CACNA2D3: variants seen among roughly 807,000 people sequenced by gnomAD.
CACNA2D3 encodes voltage-dependent calcium channel subunit alpha-2/delta-3.
CACNA2D3 carries 60 observed loss-of-function variants against 160.6 expected under a neutral mutation model. That is an observed-to-expected ratio of 0.37 (90% CI 0.30 to 0.46). The LOEUF (loss-of-function observed/expected upper bound fraction) is 0.46, where lower values mean the gene tolerates loss of function less well. Among genes scored for constraint, CACNA2D3 ranks in the 20% least tolerant of loss-of-function variants. CACNA2D3 has a pLI of 1.00. For missense variants in CACNA2D3, 1,205 were observed against 1,365.0 expected, an observed-to-expected ratio of 0.88 and a Z score of 1.85; for synonymous variants, 558 against 492.9, an observed-to-expected ratio of 1.13 and a Z score of -1.75.
rs182692787 is a variant in CACNA2D3 at position 54,238,738 on chromosome 3, C to G, written c.205-81704C>G. On this transcript the variant is annotated intron_variant, in intron 2 of 37. Transcript: ENST00000474759. Reference sequence around the variant, plus strand: ...TTTGCAAGAGCTGCTATGAAGACCCCTAAACAGAAGGCAGTTATCTCTCTA... The same window carrying G: ...TTTGCAAGAGCTGCTATGAAGACCCGTAAACAGAAGGCAGTTATCTCTCTA... 3.3e-5 allele frequency among the ~76,000 whole-genome samples: 5 copies of G among 152,284 alleles called. No individual in the cohort carries two copies. In the East Asian group the frequency reaches 9.7e-4, roughly 29 times the overall value.
chr3:55,024,166 C>T (rs1183702542), intron 35 of CACNA2D3, among the ~76,000 whole-genome samples: 1 of 145,342 alleles, frequency 6.9e-6, no homozygotes, highest in Non-Finnish European at 1.5e-5. Flanking sequence ...GTTCTGACTT[C>T]ACTAATTATT....
chr3:54,846,290 G>A (rs1698929903), intron 16 of CACNA2D3, 103 bp from the exon 17 acceptor site: 2 of 665,668 alleles, frequency 3.0e-6, no homozygotes, highest in Non-Finnish European at 5.3e-6. Flanking sequence ...GGTTATGAAT[G>A]ACAAGTTAAA....
intron 6 of CACNA2D3, among the ~76,000 whole-genome samples, chr3:54,568,077 T>C (rs1261904127): frequency 6.6e-6 from 1 of 152,224 alleles, no homozygotes; most frequent in Non-Finnish European, 1.5e-5. Flanking sequence ...GTTGGGAACA[T>C]GTGGCTTGAC....
intron 3 of CACNA2D3, among the ~76,000 whole-genome samples, chr3:54,327,623 T>C (rs1008680369): frequency 2.6e-5 from 4 of 152,246 alleles, no homozygotes; most frequent in African/African-American, 9.6e-5. Context: ...TAATGCTTTT[T>C]GTTTTTACTG....
intron 27 of CACNA2D3, among the ~76,000 whole-genome samples, chr3:54,953,615 A>AT (rs1701811667): frequency 6.6e-6 from 1 of 152,198 alleles, no homozygotes. Flanking sequence ...GATCCTTTCT[A>AT]TTTTAAAGAC....
intron 35 of CACNA2D3, among the ~76,000 whole-genome samples, chr3:55,033,547 G>T (rs1389944737): frequency 7.2e-6 from 1 of 138,018 alleles, no homozygotes; most frequent in Non-Finnish European, 1.5e-5. Flanking sequence ...TATTTCACCC[G>T]ATATGTCTGA....
intron 31 of CACNA2D3, among the ~76,000 whole-genome samples, 170 bp downstream of exon 31, chr3:54,987,923 A>G (rs1702653228): frequency 6.6e-6 from 1 of 152,114 alleles, no homozygotes; most frequent in Non-Finnish European, 1.5e-5. Flanking sequence ...CGAGTGTTAG[A>G]GTGTTAGAGT....
chr3:54,567,530 G>A (rs1486144004), intron 6 of CACNA2D3, among the ~76,000 whole-genome samples: 1 of 151,852 alleles, frequency 6.6e-6, no homozygotes, highest in Non-Finnish European at 1.5e-5. Flanking sequence ...GTTTGTTGTT[G>A]TTGTTGTTCT....
intron 31 of CACNA2D3, among the ~76,000 whole-genome samples, chr3:55,000,847 A>G (rs1308833712): frequency 2.0e-5 from 3 of 152,114 alleles, no homozygotes; most frequent in Non-Finnish European, 4.4e-5. Flanking sequence ...ACATTCCAAT[A>G]AGACCCTGGG....
At chr3:54,471,471 C>G (rs1301610850) in intron 4 of CACNA2D3, among the ~76,000 whole-genome samples, 6 of 152,082 alleles carry the variant, frequency 3.9e-5, no homozygotes, top group Admixed American at 2.6e-4. Flanking sequence ...AATCAACACC[C>G]TAACATCACA....
At chr3:54,799,972 A>G (rs1702948446) in intron 13 of CACNA2D3, among the ~76,000 whole-genome samples, 1 of 152,242 alleles carries the variant, frequency 6.6e-6, no homozygotes, top group African/African-American at 2.4e-5. Context: ...CATTGGCTCC[A>G]AGCTCACAAT....
intron 2 of CACNA2D3, among the ~76,000 whole-genome samples, chr3:54,250,810 G>A (rs1461971443): frequency 6.6e-6 from 1 of 152,202 alleles, no homozygotes; most frequent in East Asian, 1.9e-4. Flanking sequence ...GGAGAGGAAG[G>A]ACAAGAAGCA....
chr3:54,710,975 T>C (rs1226089160), intron 11 of CACNA2D3, among the ~76,000 whole-genome samples: 1 of 152,196 alleles, frequency 6.6e-6, no homozygotes, highest in Non-Finnish European at 1.5e-5. Context: ...AGTGTCACTG[T>C]CATTCATCTG....
chr3:54,697,379 A>G (rs1214325821), intron 11 of CACNA2D3, among the ~76,000 whole-genome samples: 2 of 152,176 alleles, frequency 1.3e-5, no homozygotes, highest in African/African-American at 4.8e-5. Context: ...CAAGCACCCA[A>G]GGTGACTCTT....
intron 5 of CACNA2D3, among the ~76,000 whole-genome samples, chr3:54,547,672 C>CTT (rs55806357): frequency 1.4e-5 from 1 of 69,280 alleles, no homozygotes; most frequent in Non-Finnish European, 2.6e-5. Context: ...TCCCCCAACC[C>CTT]TTTTTTTTTT....
chr3:55,044,710 T>C (rs1449265319), intron 35 of CACNA2D3, among the ~76,000 whole-genome samples: 2 of 152,146 alleles, frequency 1.3e-5, no homozygotes, highest in Admixed American at 6.5e-5. Context: ...GGGGGAAAGC[T>C]GTTAGAATTT....
intron 9 of CACNA2D3, among the ~76,000 whole-genome samples, chr3:54,582,773 C>T (rs1220958155): frequency 3.3e-5 from 5 of 152,148 alleles, no homozygotes; most frequent in Admixed American, 6.5e-5. Context: ...TCCCCTGGCT[C>T]GTATTGTGTT....
chr3:54,930,685 C>A lies in CACNA2D3; in HGVS notation c.2449+30817C>A, dbSNP rs9878841. Among the ~76,000 whole-genome samples the A allele has an allele frequency of 2.5e-3, 386 of 152,358 alleles. 2 individuals are homozygous for A. Among genetic ancestry groups the A allele is most frequent in the African/African-American group, 9.1e-3 (377 of 41,580 alleles). ...TCTATGGTCCTGGGAAAATCCCAGG[C>A]TCTCTGAGCATCAGCATTCTATCTG... is the stretch of plus-strand genomic sequence containing the variant. On this transcript the variant is annotated intron_variant, in intron 27 of 37. Transcript: ENST00000474759.
At chr3:54,779,979 C>A (rs1253118483) in intron 13 of CACNA2D3, among the ~76,000 whole-genome samples, 2 of 152,188 alleles carry the variant, frequency 1.3e-5, no homozygotes, top group Non-Finnish European at 2.9e-5. Context: ...AGGATGAATT[C>A]AGAGAGGCCA....
Sources: gnomAD v4.1 joint callset for allele counts (sites outside exome capture counted in the v4.1 genomes callset) on GRCh38, gnomAD v4.1.1 for gene constraint, MANE v1.5 for transcripts, NCBI Gene and HGNC (gene_info 2026-07-23, HGNC 2026-07-21) for gene names.